Variants in NXN observed in about 807,000 individuals in gnomAD.
The protein encoded by NXN is nucleoredoxin 1.
A neutral mutation model predicts 48.6 loss-of-function variants in NXN; 16 were observed. That is an observed-to-expected ratio of 0.33 (90% CI 0.22 to 0.50). The LOEUF is 0.50. NXN is among the 20% of genes least tolerant of loss of function. NXN has a pLI of 0.98. For synonymous variants in NXN, 281 were observed against 269.6 expected, an observed-to-expected ratio of 1.04 and a Z score of -0.41; for missense variants, 492 against 605.5, an observed-to-expected ratio of 0.81 and a Z score of 1.97.
chr17:866,289 T>A (rs373611948), intron 1 of NXN, among the ~76,000 whole-genome samples: 2 of 151,708 alleles, frequency 1.3e-5, no homozygotes, highest in African/African-American at 4.8e-5. Context: ...AGGATGTATA[T>A]AAGAAACTTA....
intron 5 of NXN, among the ~76,000 whole-genome samples, chr17:817,140 C>G (rs1478096189): frequency 4.6e-5 from 7 of 152,070 alleles, no homozygotes; most frequent in African/African-American, 1.7e-4. Flanking sequence ...TATTAATACT[C>G]CAAGTGTGGT....
intron 1 of NXN, among the ~76,000 whole-genome samples, chr17:903,014 G>A (rs761724177): frequency 2.0e-5 from 3 of 150,844 alleles, no homozygotes; most frequent in Admixed American, 6.6e-5. Context: ...CAGGTGATCC[G>A]CCCACCTCGG....
intron 1 of NXN, among the ~76,000 whole-genome samples, chr17:951,097 G>A (rs1348708102): frequency 1.3e-5 from 2 of 149,862 alleles, no homozygotes; most frequent in African/African-American, 2.5e-5. Flanking sequence ...AGCACTTTGG[G>A]AGGCCGAGGC....
chr17:915,294 C>CT (rs1300690500), intron 1 of NXN, among the ~76,000 whole-genome samples: 1 of 151,802 alleles, frequency 6.6e-6, no homozygotes, highest in African/African-American at 2.4e-5. Flanking sequence ...TCTAGGAATT[C>CT]TTTCTCTCTT....
chr17:972,369 C>T (rs1170999346), intron 1 of NXN, among the ~76,000 whole-genome samples: 1 of 151,828 alleles, frequency 6.6e-6, no homozygotes, highest in Non-Finnish European at 1.5e-5. Context: ...CCCAGCTACT[C>T]GGGAGGCTGA....
At chr17:900,490 C>G (rs1190612678) in intron 1 of NXN, among the ~76,000 whole-genome samples, 1 of 152,124 alleles carries the variant, frequency 6.6e-6, no homozygotes, top group Non-Finnish European at 1.5e-5. Flanking sequence ...GAGGAAGGTA[C>G]AAACATCAGG....
Position 855,473 on chromosome 17 carries a change from G to A in NXN, c.361-29395C>T, listed in dbSNP as rs539433284. ...TAGTAAAAACTTGACTGCTCCCCAGGATCAAAATGTGGGTAAAATTTCCCC... is the reference window on the plus strand; with the variant it reads ...TAGTAAAAACTTGACTGCTCCCCAGAATCAAAATGTGGGTAAAATTTCCCC... On this transcript the variant is annotated intron_variant, in intron 1 of 7. Coordinates refer to ENST00000336868, the MANE Select transcript of NXN (RefSeq NM_022463.5). Among the ~76,000 whole-genome samples the A allele has an allele frequency of 4.3e-4, 66 of 152,234 alleles. No individual in the cohort carries two copies. The South Asian group carries it at 1.0e-2, about 23-fold the overall frequency.
At chr17:959,817 G>T (rs1407393494) in intron 1 of NXN, among the ~76,000 whole-genome samples, 3 of 149,346 alleles carry the variant, frequency 2.0e-5, no homozygotes, top group Non-Finnish European at 4.4e-5. Flanking sequence ...ACAGGGCTGG[G>T]TGTGGTGGCT....
rs1476518481 is a variant in NXN at position 935,130 on chromosome 17, C to T, written c.360+44189G>A. Among the ~76,000 whole-genome samples the T allele has an allele frequency of 6.6e-5, 10 of 151,888 alleles. No individual in the cohort carries two copies. The South Asian group carries it at 1.5e-3, about 22-fold the overall frequency. On this transcript the variant is annotated intron_variant, in intron 1 of 7. Transcript: ENST00000336868. ...CCTCAGCCTCCTGAGTAGCTGGGAT[C>T]ACAGGTGCATGCACTACCACGCCCA...
chr17:931,698 G>C (rs2068855561), intron 1 of NXN, among the ~76,000 whole-genome samples: 1 of 151,374 alleles, frequency 6.6e-6, no homozygotes, highest in South Asian at 2.1e-4. Flanking sequence ...AGCCGGGCGT[G>C]GTGGCAGGCG....
At position 919,693 on chromosome 17, in the gene NXN, G is replaced by C. The variant is rs1369220508; in HGVS notation, c.360+59626C>G. ...AGACAACACCAATCAGCCCTTACCA[G>C]GCAGTGCGTGGCTCCAGAACAACAA... is the stretch of plus-strand genomic sequence containing the variant. On this transcript the variant is annotated intron_variant, in intron 1 of 7. Transcript: ENST00000336868. This position sits in a 1 kb window ranked among gnomAD's most constrained non-coding sequence, Gnocchi z 5.1. Among the ~76,000 whole-genome samples, 1 of 152,140 alleles carries C rather than the reference G, an allele frequency of 6.6e-6. No homozygotes were observed. Among genetic ancestry groups the C allele is most frequent in the East Asian group, 1.9e-4 (1 of 5,186 alleles).
intron 1 of NXN, among the ~76,000 whole-genome samples, chr17:922,763 T>G (rs2068760989): frequency 6.6e-6 from 1 of 152,044 alleles, no homozygotes; most frequent in South Asian, 2.1e-4. Flanking sequence ...GCGATTCTCC[T>G]GCCTCGGCCT....
At position 800,229 on chromosome 17, in the gene NXN, G is replaced by A. The variant is rs1364372681; in HGVS notation, c.*720C>T. 1.3e-5 allele frequency: 2 copies of A among 152,362 alleles called. No homozygotes were observed. The highest frequency in any genetic ancestry group is 2.9e-5 in the Non-Finnish European group (2 of 68,122). 9.4% of individuals were successfully genotyped at this position (152,362 alleles called of 1,614,324 possible). A position where few individuals can be genotyped will look rare whatever the true frequency, so the allele number is the denominator to read the frequency against. ...TGGGTGGAGCGAGAGGTCCGTGCTG[G>A]TGCAGAGGTGCTCCTCCTAGGACTC... is the stretch of plus-strand genomic sequence containing the variant. On this transcript the variant is annotated 3_prime_UTR_variant, in exon 8 of 8. Transcript: ENST00000336868.
intron 1 of NXN, among the ~76,000 whole-genome samples, chr17:844,586 T>C (rs757096117): frequency 8.0e-5 from 12 of 150,360 alleles, no homozygotes; most frequent in Admixed American, 3.3e-4. Context: ...TTTTCTTTTC[T>C]TTTTTTTCTT....
At chr17:897,170 C>T (rs549309165) in intron 1 of NXN, among the ~76,000 whole-genome samples, 1 of 152,280 alleles carries the variant, frequency 6.6e-6, no homozygotes, top group South Asian at 2.1e-4. Context: ...CAGGCAAGTC[C>T]GAGCCAGGCT....
At chr17:934,559 C>A (rs529713762) in intron 1 of NXN, among the ~76,000 whole-genome samples, 4 of 151,998 alleles carry the variant, frequency 2.6e-5, no homozygotes, top group South Asian at 4.2e-4. Context: ...TCAAGAAATT[C>A]CCAAGTCTGG....
chr17:943,266 C>G (rs189359596), intron 1 of NXN, among the ~76,000 whole-genome samples: 30 of 152,226 alleles, frequency 2.0e-4, no homozygotes, highest in Middle Eastern at 3.4e-3. Flanking sequence ...AGTTACCCAG[C>G]GAACCACCGA....
intron 1 of NXN, among the ~76,000 whole-genome samples, chr17:838,123 C>CTTATTTTTTTT (rs1196301886): frequency 7.9e-6 from 1 of 125,932 alleles, no homozygotes; most frequent in South Asian, 2.7e-4. Flanking sequence ...TTTTCCTTTC[C>CTTATTTTTTTT]TTCTTTTTTT....
chr17:810,031 G>A (rs1911847653), intron 5 of NXN, among the ~76,000 whole-genome samples: 1 of 138,248 alleles, frequency 7.2e-6, no homozygotes, highest in Non-Finnish European at 1.6e-5. Flanking sequence ...CACGTTAAGA[G>A]TCCGTGTGAG....
Sources: gnomAD v4.1 joint callset for allele counts (sites outside exome capture counted in the v4.1 genomes callset) on GRCh38, gnomAD v4.1.1 for gene constraint, Gnocchi (gnomAD v3.1) non-coding constraint, MANE v1.5 for transcripts, NCBI Gene and HGNC (gene_info 2026-07-23, HGNC 2026-07-21) for gene names.